The following MSR1 variants were observed in gnomAD, a reference collection of about 807,000 sequenced individuals.
MSR1 encodes the protein macrophage scavenger receptor types I and II.
In MSR1, 53 loss-of-function variants were observed where a neutral mutation model predicts 47.2. The ratio of observed to expected loss-of-function variants is 1.12; its 90% CI spans 0.90 to 1.41. MSR1 has a LOEUF of 1.41. MSR1 is among the 40% of genes most tolerant of loss of function. MSR1 has a pLI of 0.00. For missense variants in MSR1, 786 were observed against 546.9 expected (o/e 1.44, Z -4.36); for synonymous variants, 239 against 185.6 (o/e 1.29, Z -2.34).
intron 7 of MSR1, among the ~76,000 whole-genome samples, chr8:16,147,231 A>G (rs534154042): frequency 1.3e-5 from 2 of 152,264 alleles, no homozygotes; most frequent in Admixed American, 1.3e-4. Flanking sequence ...TCTGCTATGC[A>G]TGGAGAAAGT....
chr8:16,112,415 C>T (rs1311018891), intron 9 of MSR1, among the ~76,000 whole-genome samples: 1 of 152,050 alleles, frequency 6.6e-6, no homozygotes, highest in East Asian at 1.9e-4. Context: ...CATGATGACA[C>T]TTAAAGCTTA....
chr8:16,120,687 T>G, intron 8 of MSR1, 81 bp from the exon 9 acceptor site: 1 of 1,459,886 alleles, frequency 6.8e-7, no homozygotes, highest in Non-Finnish European at 9.1e-7. Context: ...CAGCACTTTT[T>G]TTTTAAACAC....
In MSR1 at chr8:16,164,157, C is replaced by G. The variant is rs369368505; in HGVS notation, c.725G>C (p.Gly242Ala). The G allele has an allele frequency of 2.5e-6, 4 of 1,611,968 alleles. No individual in the cohort carries two copies. The highest frequency in any genetic ancestry group is 3.4e-6 in the Non-Finnish European group (4 of 1,178,578). Residue 242 changes from glycine (G) to alanine (A), a missense_variant, in exon 5 of 10, where the codon GGA becomes GCA. Transcript: ENST00000262101. ...GATGTTATTCAGTACTTTCACTTCT[C>G]CTTTTATTTCCTGTTCCAAATGCAC... is the stretch of plus-strand genomic sequence containing the variant. ...EQVHLEQEIK[G>A]EVKVLNNITN...
chr8:16,171,584 CTA>C (rs1440689297), intron 3 of MSR1, among the ~76,000 whole-genome samples: 1 of 152,044 alleles, frequency 6.6e-6, no homozygotes, highest in Non-Finnish European at 1.5e-5. Flanking sequence ...TTCATTAATT[CTA>C]TGATTTAATT....
At chr8:16,140,456 C>T (rs554404094) in intron 8 of MSR1, 2 of 986,478 alleles carry the variant, frequency 2.0e-6, no homozygotes, top group East Asian at 2.3e-4. Flanking sequence ...TTAAAATTTA[C>T]ACCCTAGTTG....
rs559087700 is a variant in MSR1 at position 16,154,987 on chromosome 8, A to G, written c.898+77T>C. ...TCTGCAGGATATAAATAAAATAGCA[A>G]TCCTCCCCTACACATGTACCTGGAT... On this transcript the variant is annotated intron_variant, in intron 6 of 9. Coordinates refer to ENST00000262101, the MANE Select transcript of MSR1 (RefSeq NM_138715.3). 7 of 1,229,894 alleles carry G rather than the reference A, an allele frequency of 5.7e-6. No homozygotes were observed. In the South Asian group the frequency reaches 7.3e-5, roughly 13 times the overall value. The allele number at this position is 1,229,894 out of a possible 1,614,324, so 76.2% of individuals were successfully genotyped here.
At chr8:16,144,303 T>C (rs1002313458) in intron 7 of MSR1, among the ~76,000 whole-genome samples, 67 of 152,102 alleles carry the variant, frequency 4.4e-4, no homozygotes, top group African/African-American at 1.5e-3. Flanking sequence ...GAGATCTTTC[T>C]TTAGTACCAA....
intron 1 of MSR1, among the ~76,000 whole-genome samples, chr8:16,188,387 G>A (rs984393532): frequency 6.6e-6 from 1 of 152,028 alleles, no homozygotes; most frequent in Non-Finnish European, 1.5e-5. Flanking sequence ...TTGGATGTAT[G>A]TATACCTGTA....
At chr8:16,124,730 T>A (rs570237040) in intron 8 of MSR1, among the ~76,000 whole-genome samples, 1 of 152,244 alleles carries the variant, frequency 6.6e-6, no homozygotes, top group South Asian at 2.1e-4. Flanking sequence ...CCCAGTAGAC[T>A]GAAAGAAACC....
Position 16,168,779 on chromosome 8 carries a change from G to C in MSR1, c.309C>G (p.Asp103Glu), listed in dbSNP as rs770968732. 1.2e-6 allele frequency: 2 copies of C among 1,614,014 alleles called. No individual in the cohort carries two copies. The highest frequency in any genetic ancestry group is 2.7e-5 in the African/African-American group (2 of 75,018). ...ITQSLTGKGN[D>E]SEEEMRFQEV... ...CTTGAAATCTCATTTCCTCTTCGCT[G>C]TCATTTCCTTTTCCCGTGAGACTTT... Residue 103 changes from aspartate to glutamate, a missense_variant, in exon 4 of 10, where the codon GAC (aspartate) becomes GAG (glutamate). Transcript: ENST00000262101.
chr8:16,145,333 G>C (rs1043675510), intron 7 of MSR1, among the ~76,000 whole-genome samples: 1 of 152,076 alleles, frequency 6.6e-6, no homozygotes, highest in Non-Finnish European at 1.5e-5. Context: ...CAAATTTTCA[G>C]ATTGTCCAAG....
chr8:16,145,544 A>C (rs189396928), intron 7 of MSR1, among the ~76,000 whole-genome samples: 1 of 152,276 alleles, frequency 6.6e-6, no homozygotes, highest in East Asian at 1.9e-4. Context: ...GATATTTCAG[A>C]ATAGACATGC....
intron 5 of MSR1, among the ~76,000 whole-genome samples, chr8:16,163,485 A>G (rs1801217806): frequency 6.6e-6 from 1 of 151,592 alleles, no homozygotes; most frequent in Non-Finnish European, 1.5e-5. Context: ...AAAAATCTAT[A>G]ATGTAAAGCT....
intron 8 of MSR1, among the ~76,000 whole-genome samples, chr8:16,122,514 A>G (rs1367349897): frequency 6.6e-6 from 1 of 152,152 alleles, no homozygotes; most frequent in African/African-American, 2.4e-5. Flanking sequence ...AAGCATTCTC[A>G]CTGCCCATTG....
intron 1 of MSR1, among the ~76,000 whole-genome samples, chr8:16,189,611 T>A (rs1177623548): frequency 1.7e-5 from 1 of 58,376 alleles, no homozygotes; most frequent in Admixed American, 3.2e-4. Context: ...ATATAAAATC[T>A]TATTTTATAT....
chr8:16,143,873 G>A (rs368117636), intron 7 of MSR1, among the ~76,000 whole-genome samples: 63 of 152,152 alleles, frequency 4.1e-4, no homozygotes, highest in African/African-American at 1.1e-3. Flanking sequence ...TGAAGAATAA[G>A]GAGTTTGTTT....
At chr8:16,122,864 T>TTTTTTTA (rs1800035921) in intron 8 of MSR1, among the ~76,000 whole-genome samples, 1 of 88,346 alleles carries the variant, frequency 1.1e-5, no homozygotes, top group African/African-American at 3.6e-5. Flanking sequence ...TTTTTTTTTT[T>TTTTTTTA]GAGACGGAGT....
At chr8:16,110,712 G>A (rs1415975762) in intron 9 of MSR1, among the ~76,000 whole-genome samples, 1 of 152,056 alleles carries the variant, frequency 6.6e-6, no homozygotes, top group Non-Finnish European at 1.5e-5. Context: ...TTCAATTTAT[G>A]TGTGCCTGGT....
chr8:16,121,724 T>G (rs1800009877), intron 8 of MSR1, among the ~76,000 whole-genome samples: 1 of 151,780 alleles, frequency 6.6e-6, no homozygotes, highest in South Asian at 2.1e-4. Flanking sequence ...AAATATAAGT[T>G]TGAGGAATGT....
Sources: gnomAD v4.1 joint callset for allele counts (sites outside exome capture counted in the v4.1 genomes callset) on GRCh38, gnomAD v4.1.1 for gene constraint, MANE v1.5 for transcripts, NCBI Gene and HGNC (gene_info 2026-07-23, HGNC 2026-07-21) for gene names.